Variants in CLPTM1 observed in about 807,000 individuals in gnomAD.
CLPTM1 encodes putative lipid scramblase CLPTM1.
Under a neutral mutation model 77.3 loss-of-function variants are expected in CLPTM1, and 21 were observed. The ratio of observed to expected loss-of-function variants is 0.27; its 90% CI spans 0.19 to 0.39. The LOEUF is 0.39. Among genes scored for constraint, CLPTM1 ranks in the 10% least tolerant of loss-of-function variants. The pLI is 1.00. For synonymous variants in CLPTM1, 373 were observed against 381.0 expected (o/e 0.98, Z 0.24); for missense variants, 642 against 921.2 (o/e 0.70, Z 3.92).
chr19:44,977,781 G>A (rs1329566383), intron 5 of CLPTM1, among the ~76,000 whole-genome samples: 1 of 152,154 alleles, frequency 6.6e-6, no homozygotes, highest in Admixed American at 6.5e-5. Context: ...GGCCAGGGTT[G>A]ACTTTTGCAC....
At chr19:44,972,560 A>G (rs1325534294) in intron 2 of CLPTM1, among the ~76,000 whole-genome samples, 4 of 152,070 alleles carry the variant, frequency 2.6e-5, no homozygotes, top group Non-Finnish European at 5.9e-5. Flanking sequence ...CGTTCATTCT[A>G]TTTTTTGTAG....
intron 7 of CLPTM1, 83 bp downstream of exon 7, chr19:44,986,658 G>C: frequency 5.9e-6 from 9 of 1,531,520 alleles, no homozygotes; most frequent in Non-Finnish European, 7.9e-6. Flanking sequence ...TCCTGGCCCT[G>C]TCCCCCTGAG....
In CLPTM1 at chr19:44,958,274, G is replaced by A. The variant is rs564835288; in HGVS notation, c.72+2807G>A. ...GAAGGAAGGGCGAGGAGGCTGGAGC[G>A]GGTGAGGGGAGAGGGGTGGCTGGGG... On this transcript the variant is annotated intron_variant, in intron 1 of 13. Transcript: ENST00000337392. Among the ~76,000 whole-genome samples, 86 of 152,294 alleles carry A rather than the reference G, an allele frequency of 5.6e-4. 3 individuals carry two copies. The highest frequency in any genetic ancestry group is 4.7e-4 in the Non-Finnish European group (32 of 68,016).
intron 2 of CLPTM1, among the ~76,000 whole-genome samples, chr19:44,964,298 C>CTTTTTTTTTCTTTTTTTTT (rs1970591817): frequency 1.5e-5 from 1 of 68,120 alleles, no homozygotes; most frequent in Non-Finnish European, 2.7e-5. Flanking sequence ...TCATTTTAAC[C>CTTTTTTTTTCTTTTTTTTT]TTTTTTTTTT....
chr19:44,965,007 A>G (rs1308485236), intron 2 of CLPTM1, among the ~76,000 whole-genome samples: 1 of 151,946 alleles, frequency 6.6e-6, no homozygotes, highest in Non-Finnish European at 1.5e-5. Flanking sequence ...ACTGGGTTCT[A>G]TCCTTCCTGC....
intron 5 of CLPTM1, among the ~76,000 whole-genome samples, chr19:44,981,860 C>T (rs976331036): frequency 4.0e-5 from 6 of 151,760 alleles, no homozygotes; most frequent in Non-Finnish European, 5.9e-5. Flanking sequence ...GCAGTGATCA[C>T]ACCACTGCAC....
chr19:44,957,478 G>T (rs1311233659), intron 1 of CLPTM1, among the ~76,000 whole-genome samples: 1 of 152,242 alleles, frequency 6.6e-6, no homozygotes, highest in Non-Finnish European at 1.5e-5. Flanking sequence ...TGAAACAGAG[G>T]CTGGGCTGAG....
In CLPTM1 at chr19:44,992,508, TG is replaced by T; in HGVS notation, c.1724-102del. On this transcript the variant is annotated intron_variant, in intron 13 of 13. Coordinates refer to ENST00000337392, the MANE Select transcript of CLPTM1 (RefSeq NM_001294.4). The surrounding 1 kb of genome is among the most constrained non-coding windows in gnomAD (Gnocchi z 7.7). ...ACGGCCCCAGATGGGGTGCTCAGTC[TG>T]AGGGGGCTCGGCCCCGCCCTTGCAT... 6.3e-7 allele frequency: 1 copy of T among 1,590,418 alleles called. No individual in the cohort carries two copies. Among genetic ancestry groups the T allele is most frequent in the South Asian group, 1.1e-5 (1 of 89,346 alleles).
chr19:44,986,600 G>A, intron 7 of CLPTM1, 25 bp downstream of exon 7: 7 of 1,610,264 alleles, frequency 4.3e-6, no homozygotes, highest in Non-Finnish European at 5.9e-6. Flanking sequence ...CCTGCCAGCT[G>A]CCTGCAGAGC....
In CLPTM1 at chr19:44,992,536, A is replaced by G. The variant is rs946440636; in HGVS notation, c.1724-75A>G. The stretch of plus-strand genomic sequence containing the variant: ...GGGGGCTCGGCCCCGCCCTTGCATC[A>G]CGCCCTCTCCACCCAGGCCCACCTG... On this transcript the variant is annotated intron_variant, in intron 13 of 13. Coordinates refer to ENST00000337392, the MANE Select transcript of CLPTM1 (RefSeq NM_001294.4). The surrounding 1 kb of genome is among the most constrained non-coding windows in gnomAD (Gnocchi z 7.7). The G allele has an allele frequency of 1.9e-6, 3 of 1,598,310 alleles. No homozygotes were observed. In the African/African-American group the frequency reaches 4.0e-5, roughly 21 times the overall value.
intron 2 of CLPTM1, among the ~76,000 whole-genome samples, chr19:44,962,629 T>G (rs1970561898): frequency 6.6e-6 from 1 of 152,082 alleles, no homozygotes; most frequent in Admixed American, 6.6e-5. Context: ...GAACCTTACT[T>G]TTTTACAGAC....
intron 1 of CLPTM1, among the ~76,000 whole-genome samples, chr19:44,959,053 G>A (rs1034308691): frequency 2.0e-5 from 3 of 152,124 alleles, no homozygotes; most frequent in Admixed American, 1.3e-4. Context: ...CCTAAAGTAC[G>A]TGCTCACAGT....
chr19:44,992,525 G>A lies in CLPTM1; in HGVS notation c.1724-86G>A, dbSNP rs762237926. The A allele has an allele frequency of 4.3e-5, 68 of 1,592,674 alleles. 1 individual carries two copies. Among genetic ancestry groups the A allele is most frequent in the Middle Eastern group, 3.3e-4 (2 of 6,038 alleles). Reference sequence around the variant, plus strand: ...GCTCAGTCTGAGGGGGCTCGGCCCCGCCCTTGCATCACGCCCTCTCCACCC... The same window carrying A: ...GCTCAGTCTGAGGGGGCTCGGCCCCACCCTTGCATCACGCCCTCTCCACCC... On this transcript the variant is annotated intron_variant, in intron 13 of 13. Transcript: ENST00000337392. The surrounding 1 kb of genome is among the most constrained non-coding windows in gnomAD (Gnocchi z 7.7).
chr19:44,974,109 G>A (rs1462008046), intron 3 of CLPTM1, among the ~76,000 whole-genome samples: 1 of 152,058 alleles, frequency 6.6e-6, no homozygotes, highest in Non-Finnish European at 1.5e-5. Flanking sequence ...CCATAAGCCT[G>A]CAGAGCTCTG....
chr19:44,955,933 C>G (rs1417921406), intron 1 of CLPTM1: 2 of 157,332 alleles, frequency 1.3e-5, no homozygotes, highest in Non-Finnish European at 2.8e-5. Flanking sequence ...GACGGGAATT[C>G]AAGGAACAGT....
chr19:44,964,621 A>G (rs1320724248), intron 2 of CLPTM1, among the ~76,000 whole-genome samples: 1 of 151,916 alleles, frequency 6.6e-6, no homozygotes, highest in Admixed American at 6.6e-5. Context: ...CATTTTAACC[A>G]TTTTTAAGTA....
chr19:44,958,176 C>G (rs1358415589), intron 1 of CLPTM1, among the ~76,000 whole-genome samples: 1 of 151,966 alleles, frequency 6.6e-6, no homozygotes, highest in Non-Finnish European at 1.5e-5. Flanking sequence ...CCCAAAGATA[C>G]ACGAGGGAAA....
intron 2 of CLPTM1, among the ~76,000 whole-genome samples, chr19:44,970,466 C>G (rs1474266734): frequency 3.1e-5 from 1 of 31,988 alleles, no homozygotes; most frequent in Admixed American, 2.7e-4. Flanking sequence ...GTGGCATGAT[C>G]GTGGTTCACT....
intron 9 of CLPTM1, 93 bp downstream of exon 9, chr19:44,988,266 C>T (rs1055055388): frequency 8.5e-6 from 8 of 935,682 alleles, no homozygotes; most frequent in African/African-American, 8.1e-5. Flanking sequence ...CACATGTCCT[C>T]CCCCTGCCTG....
Sources: allele counts gnomAD v4.1 joint callset (sites outside exome capture counted in the v4.1 genomes callset), GRCh38; gene constraint gnomAD v4.1.1; non-coding constraint Gnocchi (gnomAD v3.1); transcripts MANE v1.5; gene names NCBI Gene and HGNC (gene_info 2026-07-23, HGNC 2026-07-21).